The following MCCC1 variants were observed in gnomAD, a reference collection of about 807,000 sequenced individuals.
MCCC1 encodes the protein methylcrotonyl-CoA carboxylase subunit 1.
In MCCC1, 64 loss-of-function variants were observed where a neutral mutation model predicts 83.8. That is an observed-to-expected ratio of 0.76 (90% CI 0.62 to 0.94). The LOEUF is 0.94. Among genes scored for constraint, MCCC1 ranks in the 40% least tolerant of loss-of-function variants. The probability of loss-of-function intolerance (pLI) is 0.00; values close to 1 mark genes in which losing one functional copy is unlikely to be tolerated. For synonymous variants in MCCC1, 322 were observed against 315.4 expected, an observed-to-expected ratio of 1.02 and a Z score of -0.22; for missense variants, 807 against 904.7, an observed-to-expected ratio of 0.89 and a Z score of 1.39.
At chr3:183,101,218 A>G (rs566275410), upstream of MCCC1, among the ~76,000 whole-genome samples, 4 of 152,316 alleles carry the variant, frequency 2.6e-5, no homozygotes, top group African/African-American at 9.6e-5. Flanking sequence ...AGCCTCCCCG[A>G]TGAGCGCCAC....
At chr3:183,018,595 C>T (rs1032900821) in intron 17 of MCCC1, among the ~76,000 whole-genome samples, 1 of 152,240 alleles carries the variant, frequency 6.6e-6, no homozygotes, top group South Asian at 2.1e-4. Flanking sequence ...TCCCCTGTCC[C>T]CACCCACAAA....
intron 14 of MCCC1, among the ~76,000 whole-genome samples, chr3:183,027,892 G>A (rs1712737808): frequency 6.6e-6 from 1 of 152,228 alleles, no homozygotes; most frequent in African/African-American, 2.4e-5. Context: ...AGAAAGTGCT[G>A]ACAGAGGAGC....
intron 13 of MCCC1, among the ~76,000 whole-genome samples, chr3:183,035,069 G>A (rs902761050): frequency 3.3e-5 from 5 of 152,144 alleles, no homozygotes; most frequent in Non-Finnish European, 7.4e-5. Context: ...ATGAGCCACC[G>A]CGCCTGGCCC....
chr3:183,110,543 G>T (rs186271865), intron 1 of MCCC1, among the ~76,000 whole-genome samples: 2 of 151,914 alleles, frequency 1.3e-5, no homozygotes, highest in Non-Finnish European at 2.9e-5. Context: ...ACAGGCGCCC[G>T]CCACTACGCC....
intron 1 of MCCC1, among the ~76,000 whole-genome samples, chr3:183,113,500 C>T (rs1346107462): frequency 6.6e-6 from 1 of 151,436 alleles, no homozygotes; most frequent in Non-Finnish European, 1.5e-5. Context: ...ACCAACATGG[C>T]ACATGTATAC....
Position 183,019,477 on chromosome 3 carries a change from C to T in MCCC1, c.1977+653G>A, listed in dbSNP as rs540497814. 5.9e-5 allele frequency among the ~76,000 whole-genome samples: 9 copies of T among 152,274 alleles called. No individual in the cohort carries two copies. The South Asian group carries it at 1.2e-3, about 21-fold the overall frequency. On this transcript the variant is annotated intron_variant, in intron 17 of 18. Transcript: ENST00000265594. The stretch of plus-strand genomic sequence containing the variant: ...GAGAGGTCCCTTGTCCCTTCCACCA[C>T]GTGAGGACACAGAGAAAAAATGGCT...
chr3:183,069,426 TG>T (rs1716490916), intron 7 of MCCC1, among the ~76,000 whole-genome samples: 1 of 152,224 alleles, frequency 6.6e-6, no homozygotes. Flanking sequence ...CTGATTTGGA[TG>T]GCTAGCCTAT....
intron 8 of MCCC1, among the ~76,000 whole-genome samples, chr3:183,053,265 G>T (rs550713630): frequency 6.6e-6 from 1 of 152,158 alleles, no homozygotes; most frequent in African/African-American, 2.4e-5. Context: ...GAGCCCAGGA[G>T]ATTGATACCA....
At chr3:183,030,956 G>T (rs181550720) in intron 14 of MCCC1, among the ~76,000 whole-genome samples, 9 of 152,134 alleles carry the variant, frequency 5.9e-5, no homozygotes, top group Non-Finnish European at 1.2e-4. Context: ...TAACTGGCGC[G>T]AATGCCAACA....
chr3:183,062,634 C>T (rs1307755404), intron 7 of MCCC1, among the ~76,000 whole-genome samples: 12 of 152,180 alleles, frequency 7.9e-5, no homozygotes, highest in Admixed American at 6.5e-4. Context: ...GGATTACAGG[C>T]GTGAGCCACT....
intron 8 of MCCC1, among the ~76,000 whole-genome samples, chr3:183,056,780 G>A (rs528688893): frequency 4.6e-5 from 7 of 151,966 alleles, no homozygotes; most frequent in African/African-American, 1.5e-4. Flanking sequence ...TGCAACCTCC[G>A]CCTCCCAGGT....
At chr3:183,065,862 A>C (rs1716219144) in intron 7 of MCCC1, among the ~76,000 whole-genome samples, 2 of 152,236 alleles carry the variant, frequency 1.3e-5, no homozygotes, top group Admixed American at 1.3e-4. Context: ...TCTTTAACAA[A>C]AATTTGTAAA....
intron 15 of MCCC1, among the ~76,000 whole-genome samples, chr3:183,023,334 C>T (rs904790248): frequency 6.6e-6 from 1 of 152,214 alleles, no homozygotes; most frequent in Non-Finnish European, 1.5e-5. Context: ...AATATTTACA[C>T]ATTGGTTCTC....
chr3:183,102,757 AGTTTTTTTTTTTTTTTTTTTTTTTTT>A, upstream of MCCC1, among the ~76,000 whole-genome samples: 1 of 96,454 alleles, frequency 1.0e-5, no homozygotes, highest in Non-Finnish European at 2.1e-5. Context: ...GAGCAGAGAA[AGTTTTTTTTTTTTTTTTTTTTTTTTT>A]TTTTTTTTTT....
rs865872376 is a variant in MCCC1, at chr3:183,020,069, G to A, written c.1977+61C>T. The A allele has an allele frequency of 1.2e-5, 16 of 1,307,608 alleles. No homozygotes were observed. The South Asian group carries it at 1.8e-4, about 15-fold the overall frequency. 81.0% of individuals were successfully genotyped at this position (1,307,608 alleles called of 1,614,324 possible). ...AAAGGGAAAAGGACATAAATGACAAGTTTAACAAAGCCACGTATTAAAACT... is the reference window on the plus strand; with the variant it reads ...AAAGGGAAAAGGACATAAATGACAAATTTAACAAAGCCACGTATTAAAACT... On this transcript the variant is annotated intron_variant, in intron 17 of 18. Coordinates refer to ENST00000265594, the MANE Select transcript of MCCC1 (RefSeq NM_020166.5).
chr3:183,097,233 C>A (rs1028408615), intron 1 of MCCC1, among the ~76,000 whole-genome samples: 1 of 151,360 alleles, frequency 6.6e-6, no homozygotes, highest in Non-Finnish European at 1.5e-5. Flanking sequence ...GGCGACAGAG[C>A]GAGACTCCGT....
chr3:183,059,019 T>G (rs1245670125), intron 7 of MCCC1, among the ~76,000 whole-genome samples: 1 of 152,196 alleles, frequency 6.6e-6, no homozygotes, highest in Non-Finnish European at 1.5e-5. Context: ...AAAGAATTTG[T>G]CTTCTTGCTG....
intron 7 of MCCC1, among the ~76,000 whole-genome samples, chr3:183,058,220 A>C (rs1194766571): frequency 6.6e-6 from 1 of 152,220 alleles, no homozygotes; most frequent in Non-Finnish European, 1.5e-5. Flanking sequence ...TTATGAATAT[A>C]GAAGACTGAA....
In MCCC1 at chr3:183,050,176, C is replaced by T. The variant is rs79754431; in HGVS notation, c.955+1983G>A. On this transcript the variant is annotated intron_variant, in intron 9 of 18. Transcript: ENST00000265594. ...AAGACCAGCCTGGGCAATATGAGAC[C>T]CTGTCTCTATAAAATTAAATTAAAA... Among the ~76,000 whole-genome samples, 34 of 151,720 alleles carry T rather than the reference C, an allele frequency of 2.2e-4. No individual in the cohort carries two copies. In the East Asian group the frequency reaches 6.4e-3, roughly 29 times the overall value.
Sources: allele counts gnomAD v4.1 joint callset (sites outside exome capture counted in the v4.1 genomes callset), GRCh38; gene constraint gnomAD v4.1.1; transcripts MANE v1.5; gene names NCBI Gene and HGNC (gene_info 2026-07-23, HGNC 2026-07-21).